Variants in MYO5B observed in about 807,000 individuals in gnomAD.
MYO5B encodes the protein unconventional myosin-Vb.
Under a neutral mutation model 229.3 loss-of-function variants are expected in MYO5B, and 143 were observed. The ratio of observed to expected loss-of-function variants is 0.62; its 90% CI spans 0.54 to 0.72. The LOEUF (loss-of-function observed/expected upper bound fraction) is 0.72, where lower values mean the gene tolerates loss of function less well. Among genes scored for constraint, MYO5B ranks in the 30% least tolerant of loss-of-function variants. MYO5B has a pLI of 0.00. For missense variants in MYO5B, 2,321 were observed against 2,331.0 expected, an observed-to-expected ratio of 1.00 and a Z score of 0.09; for synonymous variants, 918 against 885.2, an observed-to-expected ratio of 1.04 and a Z score of -0.66.
intron 39 of MYO5B, 92 bp downstream of exon 39, chr18:49,835,252 A>C (rs2023974060): frequency 2.3e-6 from 2 of 882,622 alleles, no homozygotes; most frequent in Admixed American, 3.5e-5. Flanking sequence ...CCAGTATTTT[A>C]GTAATAAAGA....
rs201109748 is a variant in MYO5B, at chr18:49,875,736, A to C, written c.3488T>G (p.Leu1163Arg). ...TTCTCTCTTCTCCAGCTGCACTTGC[A>C]GCTTTTTCCTCTCCTGCTCCAGCTC... Reference protein sequence around the residue: ...VRELEQERKKLQVQLEKREQQ... With the variant: ...VRELEQERKKRQVQLEKREQQ... Residue 1163 changes from leucine to arginine, a missense_variant, in exon 26 of 40, where the codon CTG becomes CGG. Physicochemically the swap from Leu to Arg is moderately radical, Grantham distance 102. Around this residue, in one of 2 missense-constraint regions of MYO5B, gnomAD observed 2,113 missense variants for 2,044.7 expected, o/e 1.03. Transcript: ENST00000285039. 652 of 1,614,030 alleles carry C rather than the reference A, an allele frequency of 4.0e-4. 2 individuals carry two copies. The highest frequency in any genetic ancestry group is 9.7e-5 in the Non-Finnish European group (114 of 1,180,014).
At chr18:49,952,392 T>C (rs2025439857) in intron 14 of MYO5B, among the ~76,000 whole-genome samples, 1 of 131,456 alleles carries the variant, frequency 7.6e-6, no homozygotes, top group South Asian at 2.7e-4. Flanking sequence ...AGTAACGGCA[T>C]CTGCATCAGA....
intron 4 of MYO5B, among the ~76,000 whole-genome samples, chr18:50,025,941 T>C (rs544789705): frequency 6.6e-6 from 1 of 152,358 alleles, no homozygotes; most frequent in South Asian, 2.1e-4. Context: ...GTTTATAAAT[T>C]GTTTTCTGTG....
chr18:50,049,501 T>C (rs2030333682), intron 2 of MYO5B, among the ~76,000 whole-genome samples: 1 of 152,230 alleles, frequency 6.6e-6, no homozygotes, highest in African/African-American at 2.4e-5. Context: ...GAGCCACAGT[T>C]TAACTCCTAA....
chr18:50,068,530 G>C (rs781538596), intron 1 of MYO5B, among the ~76,000 whole-genome samples: 1 of 152,200 alleles, frequency 6.6e-6, no homozygotes, highest in Non-Finnish European at 1.5e-5. Flanking sequence ...GATCCAAGCA[G>C]TCCCACCTTA....
Position 49,895,252 on chromosome 18 carries a change from T to C in MYO5B, c.2812-78A>G, listed in dbSNP as rs913072808. 3 of 1,255,574 alleles carry C rather than the reference T, an allele frequency of 2.4e-6. No homozygotes were observed. In the African/African-American group the frequency reaches 4.4e-5, roughly 18 times the overall value. The allele number at this position is 1,255,574 out of a possible 1,614,324, so 77.8% of individuals were successfully genotyped here. On this transcript the variant is annotated intron_variant, in intron 21 of 39. Transcript: ENST00000285039. ...AGGTTATTTTACCAGGGAAAAAGCATGAAGGCAATCAAAAAAGGAACTTCC... is the reference window on the plus strand; with the variant it reads ...AGGTTATTTTACCAGGGAAAAAGCACGAAGGCAATCAAAAAAGGAACTTCC...
At chr18:50,117,511 G>A (rs1005413736) in intron 1 of MYO5B, among the ~76,000 whole-genome samples, 17 of 151,870 alleles carry the variant, frequency 1.1e-4, no homozygotes, top group African/African-American at 2.7e-4. Context: ...CCATATCATC[G>A]CCCCCTTTCT....
At position 50,122,633 on chromosome 18, in the gene MYO5B, GGGAGAGAGA is replaced by G. The variant is rs1259589835; in HGVS notation, c.28-67264_28-67256del. ...AAGAGAGGGAGGGAGGGAAGGGGGG[GGGAGAGAGA>G]GAGAGAGAGAGAGAGAGAGAGAGAG... On this transcript the variant is annotated intron_variant, in intron 1 of 39. Transcript: ENST00000285039. Among the ~76,000 whole-genome samples the G allele has an allele frequency of 5.9e-4, 32 of 53,790 alleles. 3 individuals carry two copies. Among genetic ancestry groups the G allele is most frequent in the African/African-American group, 2.4e-3 (31 of 13,122 alleles). The allele number at this position is 53,790 out of a possible 152,430, so 35.3% of individuals were successfully genotyped here.
rs74688782 is a variant in MYO5B at position 50,071,247 on chromosome 18, C to T, written c.28-15869G>A. Among the ~76,000 whole-genome samples, 559 of 152,332 alleles carry T rather than the reference C, an allele frequency of 3.7e-3. 3 individuals are homozygous for T. The highest frequency in any genetic ancestry group is 6.7e-3 in the Non-Finnish European group (457 of 68,028). ...TTCACCCTTTAAGGACCAGCATAAA[C>T]ATTACTCCCTTTGTCAAGACTGTTT... On this transcript the variant is annotated intron_variant, in intron 1 of 39. Coordinates refer to ENST00000285039, the MANE Select transcript of MYO5B (RefSeq NM_001080467.3).
At chr18:50,003,837 C>T (rs188343750) in intron 4 of MYO5B, among the ~76,000 whole-genome samples, 5 of 152,310 alleles carry the variant, frequency 3.3e-5, no homozygotes, top group African/African-American at 9.6e-5. Flanking sequence ...GAAGTATATA[C>T]TATCCCAAGT....
chr18:50,173,279 A>AG lies in MYO5B; in HGVS notation c.27+21487_27+21488insC, dbSNP rs536375596. 4.0e-5 allele frequency among the ~76,000 whole-genome samples: 6 copies of AG among 148,722 alleles called. No individual in the cohort carries two copies. The South Asian group carries it at 6.4e-4, about 16-fold the overall frequency. On this transcript the variant is annotated intron_variant, in intron 1 of 39. Transcript: ENST00000285039. Reference sequence around the variant, plus strand: ...GACTCCAAAAACAAAAAACAGAAGAAAAAAAAAAAAAAGAGGAGGCCAGTG... The same window carrying AG: ...GACTCCAAAAACAAAAAACAGAAGAAGAAAAAAAAAAAAGAGGAGGCCAGTG...
At chr18:50,026,819 T>C (rs2026336041) in intron 4 of MYO5B, among the ~76,000 whole-genome samples, 1 of 152,226 alleles carries the variant, frequency 6.6e-6, no homozygotes, top group Non-Finnish European at 1.5e-5. Flanking sequence ...TCTAACAATT[T>C]AGTGAGTTAG....
At chr18:50,066,030 A>C (rs2030811121) in intron 1 of MYO5B, among the ~76,000 whole-genome samples, 1 of 152,156 alleles carries the variant, frequency 6.6e-6, no homozygotes, top group African/African-American at 2.4e-5. Context: ...AGCCAGATCC[A>C]GTAGGTTCTT....
chr18:49,921,090 G>A (rs148275318), intron 17 of MYO5B, among the ~76,000 whole-genome samples: 3 of 152,270 alleles, frequency 2.0e-5, no homozygotes, highest in Non-Finnish European at 2.9e-5. Context: ...GGGAGAGGAA[G>A]CAGGCCGCTT....
intron 1 of MYO5B, among the ~76,000 whole-genome samples, chr18:50,173,962 T>C (rs1382997800): frequency 1.3e-5 from 2 of 152,168 alleles, no homozygotes; most frequent in Non-Finnish European, 2.9e-5. Flanking sequence ...AGGGCGTTTC[T>C]GGAAGAGATT....
chr18:49,843,197 A>G, intron 34 of MYO5B, 44 bp downstream of exon 34: 1 of 1,611,368 alleles, frequency 6.2e-7, no homozygotes, highest in Non-Finnish European at 8.5e-7. Context: ...GGCTGGCTTC[A>G]CTCTACCCAC....
chr18:50,042,819 G>T (rs766725296), intron 2 of MYO5B, among the ~76,000 whole-genome samples: 5 of 152,170 alleles, frequency 3.3e-5, no homozygotes, highest in Non-Finnish European at 7.3e-5. Flanking sequence ...GGACCGCCAG[G>T]TGCAGAGCCA....
intron 10 of MYO5B, among the ~76,000 whole-genome samples, chr18:49,966,567 T>C (rs1190942998): frequency 1.3e-5 from 2 of 151,982 alleles, no homozygotes; most frequent in African/African-American, 4.8e-5. Flanking sequence ...AAAACCTAGG[T>C]GGGAGATAAA....
intron 1 of MYO5B, among the ~76,000 whole-genome samples, chr18:50,092,450 G>A (rs1485107289): frequency 6.6e-6 from 1 of 152,228 alleles, no homozygotes; most frequent in Non-Finnish European, 1.5e-5. Flanking sequence ...TGCTGCTGCT[G>A]CGTTCTAACA....
Sources: gnomAD v4.1 joint callset for allele counts (sites outside exome capture counted in the v4.1 genomes callset) on GRCh38, gnomAD v4.1.1 for gene constraint, gnomAD v4.1.1 regional missense constraint, MANE v1.5 for transcripts, NCBI Gene and HGNC (gene_info 2026-07-23, HGNC 2026-07-21) for gene names.